Variants in CNTN4 observed in about 807,000 individuals in gnomAD.
CNTN4 encodes contactin-4.
A neutral mutation model predicts 122.5 loss-of-function variants in CNTN4; 77 were observed. The ratio of observed to expected loss-of-function variants is 0.63; its 90% CI spans 0.52 to 0.76. CNTN4 has a LOEUF of 0.76. Ranked by LOEUF, CNTN4 falls within the 30% of genes least tolerant of loss-of-function variation. The pLI, the probability that CNTN4 is intolerant of heterozygous loss-of-function variation, is 0.00. For synonymous variants in CNTN4, 512 were observed against 447.0 expected, an observed-to-expected ratio of 1.15 and a Z score of -1.83; for missense variants, 1,256 against 1,259.1, an observed-to-expected ratio of 1.00 and a Z score of 0.04.
chr3:2,550,765 T>G lies in CNTN4; in HGVS notation c.-88-20651T>G, dbSNP rs555188434. The stretch of plus-strand genomic sequence containing the variant: ...CACATATATACCATGGAATACTACG[T>G]AGCCATAAAAAAGGATGAGCGTATG... On this transcript the variant is annotated intron_variant, in intron 3 of 24. Transcript: ENST00000418658. Among the ~76,000 whole-genome samples, 13 of 152,214 alleles carry G rather than the reference T, an allele frequency of 8.5e-5. No individual in the cohort carries two copies. The South Asian group carries it at 2.7e-3, about 32-fold the overall frequency.
At chr3:2,572,555 A>G (rs2079472078) in intron 4 of CNTN4, among the ~76,000 whole-genome samples, 1 of 152,202 alleles carries the variant, frequency 6.6e-6, no homozygotes, top group South Asian at 2.1e-4. Context: ...GCTGTGTATC[A>G]TTCCACGCCC....
intron 2 of CNTN4, among the ~76,000 whole-genome samples, chr3:2,127,588 GATAATT>G (rs2034239554): frequency 6.6e-6 from 1 of 152,066 alleles, no homozygotes; most frequent in Non-Finnish European, 1.5e-5. Context: ...TTACAGGAGA[GATAATT>G]TGAGTATCTT....
rs192187803 is a variant in CNTN4, at chr3:2,287,741, A to G, written c.-144-51437A>G. Among the ~76,000 whole-genome samples the G allele has an allele frequency of 2.5e-3, 308 of 124,950 alleles. 1 individual carries two copies. The highest frequency in any genetic ancestry group is 3.5e-3 in the African/African-American group (117 of 33,556). 82.0% of individuals were successfully genotyped at this position (124,950 alleles called of 152,430 possible). On this transcript the variant is annotated intron_variant, in intron 2 of 24. Transcript: ENST00000418658. ...AAGAAGAAGAAGAAGAAGAAGAAGA[A>G]GAAGAAGAAGAAGAAGAAGAAGAAG...
chr3:2,812,527 G>A (rs552463863), intron 6 of CNTN4, among the ~76,000 whole-genome samples: 12 of 152,152 alleles, frequency 7.9e-5, no homozygotes, highest in Admixed American at 3.9e-4. Context: ...AGCAGAAGAG[G>A]ATATATTTTA....
chr3:2,787,079 G>T (rs1255932478), intron 6 of CNTN4, among the ~76,000 whole-genome samples: 1 of 152,102 alleles, frequency 6.6e-6, no homozygotes, highest in Non-Finnish European at 1.5e-5. Context: ...AAACTTGAAG[G>T]TATTTTAAGA....
At chr3:2,853,925 A>C (rs2093588338) in intron 7 of CNTN4, among the ~76,000 whole-genome samples, 1 of 152,184 alleles carries the variant, frequency 6.6e-6, no homozygotes, top group Non-Finnish European at 1.5e-5. Flanking sequence ...CCGTTCCCCA[A>C]AAACCAATTG....
intron 3 of CNTN4, among the ~76,000 whole-genome samples, chr3:2,510,138 A>T (rs1017663159): frequency 1.3e-5 from 2 of 151,742 alleles, no homozygotes; most frequent in Non-Finnish European, 2.9e-5. Flanking sequence ...GGTAACAAAG[A>T]CCCTCCATCC....
At chr3:2,308,154 T>C (rs1021069667) in intron 2 of CNTN4, among the ~76,000 whole-genome samples, 1 of 152,120 alleles carries the variant, frequency 6.6e-6, no homozygotes, top group Middle Eastern at 3.2e-3. Flanking sequence ...GGAATTTTTC[T>C]ATTTTTGTCT....
In CNTN4 at chr3:2,477,379, T is replaced by A. The variant is rs148229677; in HGVS notation, c.-88-94037T>A. 6.8e-4 allele frequency among the ~76,000 whole-genome samples: 103 copies of A among 152,322 alleles called. 1 individual carries two copies. The highest frequency in any genetic ancestry group is 2.4e-3 in the African/African-American group (100 of 41,594). ...ATAGTAATTATTATTATATTTATAA[T>A]GATAAAACTCCATGCTTCCCATGAC... is the stretch of plus-strand genomic sequence containing the variant. On this transcript the variant is annotated intron_variant, in intron 3 of 24. Coordinates refer to ENST00000418658, the MANE Select transcript of CNTN4 (RefSeq NM_175607.3).
chr3:2,330,357 G>C (rs1174142388), intron 2 of CNTN4, among the ~76,000 whole-genome samples: 2 of 152,016 alleles, frequency 1.3e-5, no homozygotes. Context: ...TCACTATAGA[G>C]GCATGATTGA....
chr3:3,036,410 TG>T (rs908302645), intron 17 of CNTN4, among the ~76,000 whole-genome samples: 4 of 152,202 alleles, frequency 2.6e-5, no homozygotes, highest in Non-Finnish European at 5.9e-5. Flanking sequence ...GCTAATCAGC[TG>T]ATCTCTATAC....
chr3:2,547,054 A>T (rs2078273800), intron 3 of CNTN4, among the ~76,000 whole-genome samples: 1 of 152,050 alleles, frequency 6.6e-6, no homozygotes, highest in Admixed American at 6.6e-5. Context: ...AAGCTTAGCC[A>T]CAGATTCGAT....
chr3:2,249,998 C>T (rs964940656), intron 2 of CNTN4, among the ~76,000 whole-genome samples: 1 of 151,780 alleles, frequency 6.6e-6, no homozygotes, highest in African/African-American at 2.4e-5. Flanking sequence ...AATAAGAAAG[C>T]TCTTAGAATT....
intron 13 of CNTN4, among the ~76,000 whole-genome samples, chr3:2,981,291 A>G (rs1693960818): frequency 6.6e-6 from 1 of 151,900 alleles, no homozygotes; most frequent in Non-Finnish European, 1.5e-5. Context: ...AAAAATACAA[A>G]AAATTAGCCG....
intron 4 of CNTN4, among the ~76,000 whole-genome samples, chr3:2,719,298 C>CT (rs59683109): frequency 0.1 from 14,089 of 141,008 alleles, 826 homozygotes; most frequent in East Asian, 0.19. Flanking sequence ...CAAGACTTCA[C>CT]TTTTTTTTTT....
chr3:2,580,037 A>ATG lies in CNTN4; in HGVS notation c.55+8501_55+8502dup, dbSNP rs5846194. On this transcript the variant is annotated intron_variant, in intron 4 of 24. Coordinates refer to ENST00000418658, the MANE Select transcript of CNTN4 (RefSeq NM_175607.3). The stretch of plus-strand genomic sequence containing the variant: ...AAATACCTAAATTGGTTAAGCTTGT[A>ATG]TGTGTGTGTGTGTGTGTGTGTGTAT... Among the ~76,000 whole-genome samples the ATG allele has an allele frequency of 6.5e-4, 97 of 150,114 alleles. 1 individual carries two copies. The highest frequency in any genetic ancestry group is 1.9e-3 in the African/African-American group (78 of 40,794).
chr3:2,224,305 T>A (rs1196902123), intron 2 of CNTN4, among the ~76,000 whole-genome samples: 1 of 152,130 alleles, frequency 6.6e-6, no homozygotes, highest in African/African-American at 2.4e-5. Flanking sequence ...AGCTTCTCCT[T>A]CCTCACCTGC....
intron 3 of CNTN4, among the ~76,000 whole-genome samples, chr3:2,532,393 C>A (rs575838703): frequency 6.6e-6 from 1 of 152,026 alleles, no homozygotes; most frequent in Middle Eastern, 3.4e-3. Flanking sequence ...TAGCTGGGAC[C>A]ACAGGCATGC....
intron 3 of CNTN4, among the ~76,000 whole-genome samples, chr3:2,389,573 T>C (rs1470382630): frequency 2.6e-5 from 4 of 152,238 alleles, no homozygotes; most frequent in Non-Finnish European, 5.9e-5. Context: ...TTCATTCCTC[T>C]TTCCTTTTTT....
Sources: gnomAD v4.1 joint callset for allele counts (sites outside exome capture counted in the v4.1 genomes callset) on GRCh38, gnomAD v4.1.1 for gene constraint, MANE v1.5 for transcripts, NCBI Gene and HGNC (gene_info 2026-07-23, HGNC 2026-07-21) for gene names.